The following SEMA4D variants were observed in gnomAD, a reference collection of about 807,000 sequenced individuals.
The protein encoded by SEMA4D is semaphorin-4D.
SEMA4D carries 22 observed loss-of-function variants against 74.8 expected under a neutral mutation model. The observed-to-expected ratio is 0.29, with a 90% CI of 0.21 to 0.42. The LOEUF (loss-of-function observed/expected upper bound fraction) is 0.42, where lower values mean the gene tolerates loss of function less well. Ranked by LOEUF, SEMA4D falls within the 10% of genes least tolerant of loss-of-function variation. The pLI, the probability that SEMA4D is intolerant of heterozygous loss-of-function variation, is 1.00. For synonymous variants in SEMA4D, 445 were observed against 463.7 expected, an observed-to-expected ratio of 0.96 and a Z score of 0.52; for missense variants, 937 against 1,118.4, an observed-to-expected ratio of 0.84 and a Z score of 2.31.
intron 2 of SEMA4D, among the ~76,000 whole-genome samples, chr9:89,408,756 T>C (rs975815020): frequency 2.0e-5 from 3 of 152,212 alleles, no homozygotes; most frequent in African/African-American, 7.2e-5. Flanking sequence ...GCCTGGTCCA[T>C]GTGCTGCAGT....
rs200285438 is a variant in SEMA4D, at chr9:89,371,102, G to GGT, written c.1882+5729_1882+5730dup. ...TGTGTGTTATGTCTGGGGTGTATAAGGTGTGTGTGGGGGGGTGTGGTGTGT... is the reference window on the plus strand; with the variant it reads ...TGTGTGTTATGTCTGGGGTGTATAAGGTGTGTGTGTGGGGGGGTGTGGTGTGT... On this transcript the variant is annotated intron_variant, in intron 16 of 18. Coordinates refer to the SEMA4D transcript ENST00000339861. Among the ~76,000 whole-genome samples the GGT allele has an allele frequency of 1.4e-3, 34 of 24,676 alleles. 11 individuals are homozygous for GGT. In the East Asian group the frequency reaches 0.058, roughly 42 times the overall value. 16.2% of individuals were successfully genotyped at this position (24,676 alleles called of 152,430 possible). A position where few individuals can be genotyped will look rare whatever the true frequency, so the allele number is the denominator to read the frequency against.
chr9:89,449,923 C>A (rs760390066), intron 2 of SEMA4D: 3 of 1,453,016 alleles, frequency 2.1e-6, no homozygotes, highest in Non-Finnish European at 2.9e-6. Flanking sequence ...ACTAATGTAG[C>A]TCGTACTTTT....
chr9:89,450,576 CCTGACCTCTATAAGT>C (rs1252362847), intron 2 of SEMA4D: 4 of 962,544 alleles, frequency 4.2e-6, no homozygotes, highest in Non-Finnish European at 6.7e-6. Flanking sequence ...TCCCTTCCAG[CCTGACCTCTATAAGT>C]CTGAGATGAA....
chr9:89,405,786 G>A, intron 2 of SEMA4D, 87 bp from the exon 3 acceptor site: 9 of 1,302,326 alleles, frequency 6.9e-6, no homozygotes, highest in Non-Finnish European at 8.8e-6. Flanking sequence ...GCTTGCCCTG[G>A]ATCCTCACCC....
intron 4 of SEMA4D, among the ~76,000 whole-genome samples, chr9:89,401,819 C>T (rs1277617244): frequency 6.6e-6 from 1 of 152,156 alleles, no homozygotes; most frequent in Non-Finnish European, 1.5e-5. Flanking sequence ...GTGATGGGCA[C>T]TTCCCCTTTT....
In SEMA4D at chr9:89,379,435, C is replaced by T; in HGVS notation, c.1858G>A (p.Gly620Arg). 6.2e-7 allele frequency: 1 copy of T among 1,614,200 alleles called. No individual in the cohort carries two copies. The highest frequency in any genetic ancestry group is 8.5e-7 in the Non-Finnish European group (1 of 1,180,036). Residue 620 changes from glycine (G) to arginine (R), a missense_variant, in exon 16 of 16, where the codon GGG becomes AGG. Physicochemically the swap from Gly to Arg is moderately radical, Grantham distance 125. Coordinates refer to ENST00000422704, the MANE Select transcript of SEMA4D (RefSeq NM_001371194.2). ...LIFNLSEGDS[G>R]VYQCLSEERV... ...TCCTCTGACAGGCACTGGTACACCC[C>T]ACTGTCTCCTTCTGACAAGTTGAAG... is the stretch of plus-strand genomic sequence containing the variant.
intron 2 of SEMA4D, among the ~76,000 whole-genome samples, chr9:89,431,417 T>C (rs1051060682): frequency 1.3e-5 from 2 of 152,266 alleles, no homozygotes; most frequent in African/African-American, 4.8e-5. Flanking sequence ...ATGTCTTCTT[T>C]GAATTTTCCT....
Position 89,363,467 on chromosome 9 carries a change from TC to T in SEMA4D, c.2152del (p.Glu718SerfsTer5). The T allele has an allele frequency of 6.2e-7, 1 of 1,613,910 alleles. No homozygotes were observed. ...CCAGCTCTGCATCATCCGGTCGTGC[TC>T]CCCAGCCACAGCCCTCCAGGCAGAG... On this transcript the variant is annotated frameshift_variant, in exon 18 of 19. Transcript: ENST00000339861. LOFTEE classifies it high-confidence loss of function.
In SEMA4D at chr9:89,377,252, T is replaced by C. The variant is rs994532766; in HGVS notation, c.*1452A>G. 26 of 714,914 alleles carry C rather than the reference T, an allele frequency of 3.6e-5. No homozygotes were observed. In the South Asian group the frequency reaches 5.7e-4, roughly 16 times the overall value. The allele number at this position is 714,914 out of a possible 1,614,324, so 44.3% of individuals were successfully genotyped here. On this transcript the variant is annotated 3_prime_UTR_variant, in exon 16 of 16. Transcript: ENST00000422704. ...TCCCCAAATCAAGGATAGAAGCTTC[T>C]CATTTATTTGGGTACTTTCCAAATG...
rs118029998 is a variant in SEMA4D at position 89,452,678 on chromosome 9, C to T, written c.-244+3210G>A. On this transcript the variant is annotated intron_variant, in intron 2 of 15. Coordinates refer to ENST00000422704, the MANE Select transcript of SEMA4D (RefSeq NM_001371194.2). ...AATTTGGCCACATTGGTCTTGAACT[C>T]CCCACCTCAGATGATCTACCCACCT... Among the ~76,000 whole-genome samples, 1,118 of 152,264 alleles carry T rather than the reference C, an allele frequency of 7.3e-3. 36 individuals are homozygous for T. In the East Asian group the frequency reaches 0.088, roughly 12 times the overall value.
intron 1 of SEMA4D, among the ~76,000 whole-genome samples, chr9:89,456,280 C>T (rs1001884284): frequency 3.2e-4 from 49 of 152,354 alleles, no homozygotes; most frequent in African/African-American, 1.1e-3. Flanking sequence ...CTTGGCTCAG[C>T]ACACAATCAC....
intron 2 of SEMA4D, chr9:89,418,397 G>C (rs551880322): frequency 1.0e-6 from 1 of 985,406 alleles, no homozygotes; most frequent in Admixed American, 6.1e-5. Context: ...ACCCGACCAG[G>C]TGTACTTTCT....
intron 2 of SEMA4D, among the ~76,000 whole-genome samples, chr9:89,444,593 C>T (rs1178737568): frequency 6.6e-6 from 1 of 152,070 alleles, no homozygotes; most frequent in Non-Finnish European, 1.5e-5. Context: ...AGTGCTGGCA[C>T]ACTGGAAGGA....
intron 4 of SEMA4D, among the ~76,000 whole-genome samples, chr9:89,401,607 G>C (rs9410319): frequency 0.16 from 24,509 of 152,180 alleles, 2,521 homozygotes; most frequent in Middle Eastern, 0.26. Flanking sequence ...TCACTGTGAT[G>C]GGTCAAAGAA....
rs1356428117 is a variant in SEMA4D, at chr9:89,484,462, T to A, written c.-310+13457A>T. On this transcript the variant is annotated intron_variant, in intron 1 of 15. Coordinates refer to ENST00000422704, the MANE Select transcript of SEMA4D (RefSeq NM_001371194.2). The surrounding 1 kb of genome is among the most constrained non-coding windows in gnomAD (Gnocchi z 4.1). ...CAGTGTGTGTTGTGTGTGTTTTGTG[T>A]GTGTGTGTGGCATGGTATGTGTATG... Among the ~76,000 whole-genome samples the A allele has an allele frequency of 6.6e-6, 1 of 150,948 alleles. No homozygotes were observed. The highest frequency in any genetic ancestry group is 6.6e-5 in the Admixed American group (1 of 15,144).
chr9:89,367,122 C>T lies in SEMA4D; in HGVS notation c.1883-3172G>A, dbSNP rs1424900059. 3.9e-5 allele frequency: 6 copies of T among 152,702 alleles called. 1 individual carries two copies. The Middle Eastern group carries it at 0.01, about 260-fold the overall frequency. The allele number at this position is 152,702 out of a possible 1,614,324, so 9.5% of individuals were successfully genotyped here. On this transcript the variant is annotated intron_variant, in intron 16 of 18. Transcript: ENST00000339861. ...ATTAAAGATGTTAAAGAAGTACTTACGTTCCATGTATTCGTTTTTAAACTA... is the reference window on the plus strand; with the variant it reads ...ATTAAAGATGTTAAAGAAGTACTTATGTTCCATGTATTCGTTTTTAAACTA...
At chr9:89,450,179 C>G (rs1854003797) in intron 2 of SEMA4D, 5 of 1,259,482 alleles carry the variant, frequency 4.0e-6, no homozygotes, top group South Asian at 2.4e-5. Context: ...TTCCCACAGA[C>G]AAGCAGAAGA....
intron 1 of SEMA4D, among the ~76,000 whole-genome samples, chr9:89,460,768 G>A (rs1857017553): frequency 6.6e-6 from 1 of 152,246 alleles, no homozygotes; most frequent in Admixed American, 6.5e-5. Flanking sequence ...CATCCTACAG[G>A]CCCAGGAGAA....
Position 89,483,491 on chromosome 9 carries a change from C to A in SEMA4D, c.-310+14428G>T, listed in dbSNP as rs1205808942. Among the ~76,000 whole-genome samples the A allele has an allele frequency of 2.6e-5, 4 of 152,178 alleles. No individual in the cohort carries two copies. The East Asian group carries it at 7.7e-4, about 29-fold the overall frequency. On this transcript the variant is annotated intron_variant, in intron 1 of 15. Coordinates refer to ENST00000422704, the MANE Select transcript of SEMA4D (RefSeq NM_001371194.2). The stretch of plus-strand genomic sequence containing the variant: ...CGGTAGAGGAGTACATGGTCAAAGT[C>A]AGCCAACGTGAGAAATAAGATAATA...
Sources: gnomAD v4.1 joint callset for allele counts (sites outside exome capture counted in the v4.1 genomes callset) on GRCh38, gnomAD v4.1.1 for gene constraint, Gnocchi (gnomAD v3.1) non-coding constraint, MANE v1.5 for transcripts, NCBI Gene and HGNC (gene_info 2026-07-23, HGNC 2026-07-21) for gene names.